Variants in EPSTI1 observed in about 807,000 individuals in gnomAD.
The protein encoded by EPSTI1 is epithelial-stromal interaction protein 1.
A neutral mutation model predicts 49.9 loss-of-function variants in EPSTI1; 66 were observed. The observed-to-expected ratio is 1.32, with a 90% CI of 1.08 to 1.62. The LOEUF (loss-of-function observed/expected upper bound fraction) is 1.62. EPSTI1 is among the 40% of genes most tolerant of loss of function. The probability of loss-of-function intolerance (pLI) is 0.00; values close to 1 mark genes in which losing one functional copy is unlikely to be tolerated. For missense variants in EPSTI1, 394 were observed against 365.5 expected (o/e 1.08, Z -0.64); for synonymous variants, 137 against 130.7 (o/e 1.05, Z -0.33).
At chr13:42,945,700 C>T (rs535331549) in intron 6 of EPSTI1, among the ~76,000 whole-genome samples, 2 of 152,270 alleles carry the variant, frequency 1.3e-5, no homozygotes, top group African/African-American at 2.4e-5. Flanking sequence ...TCACAAAAGA[C>T]ACAGGCCATG....
chr13:42,917,537 G>A lies in EPSTI1; in HGVS notation c.741+4C>T. On this transcript the variant is annotated splice_donor_region_variant and intron_variant, in intron 8 of 10. Transcript: ENST00000313624. ...AGCAATAACTAGTAGGGGCTTGTAA[G>A]TACCTTTTGATGTTGTTCATCCTTC... 6.4e-7 allele frequency: 1 copy of A among 1,566,038 alleles called. No homozygotes were observed. The highest frequency in any genetic ancestry group is 1.1e-5 in the South Asian group (1 of 90,408).
rs1259049815 is a variant in EPSTI1 at position 42,922,398 on chromosome 13, G to A, written c.657+3938C>T. ...TCAAAAGGGTCATTATAAGAGGAAGGCAGAAAGGTCAGGGAGGGTGCAGAA... is the reference window on the plus strand; with the variant it reads ...TCAAAAGGGTCATTATAAGAGGAAGACAGAAAGGTCAGGGAGGGTGCAGAA... On this transcript the variant is annotated intron_variant, in intron 7 of 10. Transcript: ENST00000313624. This position sits in a 1 kb window ranked among gnomAD's most constrained non-coding sequence, Gnocchi z 4.8. Among the ~76,000 whole-genome samples the A allele has an allele frequency of 6.6e-6, 1 of 152,150 alleles. No individual in the cohort carries two copies. Among genetic ancestry groups the A allele is most frequent in the African/African-American group, 2.4e-5 (1 of 41,420 alleles).
chr13:42,913,751 C>G (rs2037751887), intron 8 of EPSTI1, among the ~76,000 whole-genome samples: 1 of 152,182 alleles, frequency 6.6e-6, no homozygotes, highest in South Asian at 2.1e-4. Flanking sequence ...ATCACAACGC[C>G]TAATTTATTT....
intron 6 of EPSTI1, among the ~76,000 whole-genome samples, chr13:42,942,658 CTTTTTTTTTTTTTTTTTTTTTTTTTT>C (rs1161224574): frequency 1.5e-5 from 1 of 64,652 alleles, no homozygotes; most frequent in East Asian, 5.5e-4. Flanking sequence ...CCTGTTGATT[CTTTTTTTTTTTTTTTTTTTTTTTTTT>C]TTTTTTTTTT....
At position 42,888,167 on chromosome 13, in the gene EPSTI1, A is replaced by G; in HGVS notation, c.*327T>C. ...TCACTTAGAAAGACAAGCCTGTAGC[A>G]CCCATAGCTCTGATTAACCTGAAAG... On this transcript the variant is annotated 3_prime_UTR_variant, in exon 11 of 11. Transcript: ENST00000313624. 1 of 1,476,650 alleles carries G rather than the reference A, an allele frequency of 6.8e-7. No homozygotes were observed. The highest frequency in any genetic ancestry group is 9.2e-7 in the Non-Finnish European group (1 of 1,084,092). The allele number at this position is 1,476,650 out of a possible 1,614,324, so 91.5% of individuals were successfully genotyped here.
At chr13:42,963,197 C>G in intron 5 of EPSTI1, 58 bp downstream of exon 5, 1 of 1,399,626 alleles carries the variant, frequency 7.1e-7, no homozygotes, top group Non-Finnish European at 1.0e-6. Context: ...TAAAAATCTT[C>G]TACAACGAAA....
At chr13:42,890,296 C>CTTTTTTTTTTTTT (rs71202241) in intron 10 of EPSTI1, among the ~76,000 whole-genome samples, 2 of 116,306 alleles carry the variant, frequency 1.7e-5, no homozygotes, top group Non-Finnish European at 3.6e-5. Context: ...TTTTTCTTTT[C>CTTTTTTTTTTTTT]TTTTTTTTTT....
chr13:42,921,641 C>T (rs772981133), intron 7 of EPSTI1, among the ~76,000 whole-genome samples: 37 of 152,184 alleles, frequency 2.4e-4, no homozygotes, highest in Non-Finnish European at 3.8e-4. Flanking sequence ...TAGAATGGCC[C>T]GGGGAGCTTT....
At chr13:42,982,644 C>A (rs1481099685) in intron 1 of EPSTI1, among the ~76,000 whole-genome samples, 2 of 152,204 alleles carry the variant, frequency 1.3e-5, no homozygotes, top group Non-Finnish European at 2.9e-5. Context: ...TTTTCTCCTG[C>A]AAAGTACTTC....
chr13:42,936,818 A>G (rs1278949897), intron 6 of EPSTI1, among the ~76,000 whole-genome samples: 1 of 152,180 alleles, frequency 6.6e-6, no homozygotes, highest in African/African-American at 2.4e-5. Flanking sequence ...CTAAATATGT[A>G]AACTTAAACT....
chr13:42,909,221 T>TA (rs2037593849), intron 8 of EPSTI1, among the ~76,000 whole-genome samples: 1 of 152,016 alleles, frequency 6.6e-6, no homozygotes, highest in Admixed American at 6.6e-5. Context: ...AAATGCAAAC[T>TA]AAAACCACGA....
At chr13:42,947,594 G>A (rs1247685427) in intron 6 of EPSTI1, among the ~76,000 whole-genome samples, 1 of 152,190 alleles carries the variant, frequency 6.6e-6, no homozygotes, top group East Asian at 1.9e-4. Flanking sequence ...TTTGCAAGAT[G>A]TGTGATTTTA....
chr13:42,988,948 G>C (rs966003067), intron 1 of EPSTI1, among the ~76,000 whole-genome samples: 4 of 151,658 alleles, frequency 2.6e-5, no homozygotes, highest in African/African-American at 9.7e-5. Context: ...TAGTCTTGGA[G>C]CTCCTGAGCT....
At chr13:42,890,201 T>C (rs946502017) in intron 10 of EPSTI1, among the ~76,000 whole-genome samples, 2 of 152,208 alleles carry the variant, frequency 1.3e-5, no homozygotes, top group Non-Finnish European at 2.9e-5. Context: ...CTATAGCTTA[T>C]TTGAGAGCTC....
chr13:42,941,912 A>G (rs1447489695), intron 6 of EPSTI1, among the ~76,000 whole-genome samples: 1 of 152,138 alleles, frequency 6.6e-6, no homozygotes, highest in Non-Finnish European at 1.5e-5. Flanking sequence ...TCCTTTCTTT[A>G]CAGAGTTTTT....
At chr13:42,890,116 C>T (rs2036985538) in intron 10 of EPSTI1, among the ~76,000 whole-genome samples, 2 of 152,078 alleles carry the variant, frequency 1.3e-5, no homozygotes, top group African/African-American at 4.8e-5. Flanking sequence ...AATTAAGTCC[C>T]CATATATACT....
intron 7 of EPSTI1, among the ~76,000 whole-genome samples, chr13:42,925,020 C>T (rs1189289734): frequency 6.6e-6 from 1 of 152,130 alleles, no homozygotes; most frequent in African/African-American, 2.4e-5. Context: ...AACCCTTATC[C>T]AGAGTCATCC....
chr13:42,960,620 A>G (rs1166469238), intron 5 of EPSTI1, among the ~76,000 whole-genome samples: 1 of 152,204 alleles, frequency 6.6e-6, no homozygotes, highest in African/African-American at 2.4e-5. Flanking sequence ...TTATTATCTT[A>G]CAGCTCTGGA....
chr13:42,966,701 A>G (rs1434775040), intron 3 of EPSTI1, among the ~76,000 whole-genome samples: 1 of 82,318 alleles, frequency 1.2e-5, no homozygotes, highest in African/African-American at 3.8e-5. Context: ...TGGGGGGGTC[A>G]GCCCCCCGCC....
Sources: allele counts gnomAD v4.1 joint callset (sites outside exome capture counted in the v4.1 genomes callset), GRCh38; gene constraint gnomAD v4.1.1; non-coding constraint Gnocchi (gnomAD v3.1); transcripts MANE v1.5; gene names NCBI Gene and HGNC (gene_info 2026-07-23, HGNC 2026-07-21).